RBM19: variants seen among roughly 807,000 people sequenced by gnomAD.
RBM19 encodes probable RNA-binding protein 19.
RBM19 carries 94 observed loss-of-function variants against 116.8 expected under a neutral mutation model. The observed-to-expected ratio is 0.80, with a 90% CI of 0.68 to 0.95. The LOEUF (loss-of-function observed/expected upper bound fraction) is 0.95, where lower values mean the gene tolerates loss of function less well. Among genes scored for constraint, RBM19 ranks in the 40% least tolerant of loss-of-function variants. The pLI, the probability that RBM19 is intolerant of heterozygous loss-of-function variation, is 0.00. For synonymous variants in RBM19, 475 were observed against 494.1 expected, an observed-to-expected ratio of 0.96 and a Z score of 0.51; for missense variants, 1,161 against 1,220.7, an observed-to-expected ratio of 0.95 and a Z score of 0.73.
chr12:113,924,808 G>A, intron 17 of RBM19, 51 bp from the exon 18 acceptor site: 2 of 1,471,618 alleles, frequency 1.4e-6, no homozygotes, highest in Non-Finnish European at 1.9e-6. Flanking sequence ...CACTATGCAG[G>A]CAAGGGCACC....
chr12:113,957,714 G>C lies in RBM19; in HGVS notation c.840+68C>G, dbSNP rs1308126080. ...AACATTCCGCTCTCCTAACAGAGGA[G>C]CTGTGGGGACCACGGGCAAGCAGGA... On this transcript the variant is annotated intron_variant, in intron 6 of 23. Coordinates refer to ENST00000261741, the MANE Select transcript of RBM19 (RefSeq NM_016196.4). 4 of 1,515,282 alleles carry C rather than the reference G, an allele frequency of 2.6e-6. No homozygotes were observed. The East Asian group carries it at 9.1e-5, about 34-fold the overall frequency. 93.9% of individuals were successfully genotyped at this position (1,515,282 alleles called of 1,614,324 possible).
intron 14 of RBM19, among the ~76,000 whole-genome samples, chr12:113,941,415 G>A (rs1870555650): frequency 6.6e-6 from 1 of 152,230 alleles, no homozygotes; most frequent in Admixed American, 6.5e-5. Context: ...TCTGTAGGGT[G>A]GAAGCACAGT....
At chr12:113,938,290 G>A (rs1052959384) in intron 15 of RBM19, among the ~76,000 whole-genome samples, 3 of 152,088 alleles carry the variant, frequency 2.0e-5, no homozygotes, top group Non-Finnish European at 4.4e-5. Context: ...TGGGTCAGGC[G>A]CAGACTGACT....
At chr12:113,899,880 G>C (rs941169250) in intron 21 of RBM19, among the ~76,000 whole-genome samples, 1 of 151,960 alleles carries the variant, frequency 6.6e-6, no homozygotes, top group African/African-American at 2.4e-5. Flanking sequence ...GCGGCCCTCC[G>C]AGCAAGCCCA....
At chr12:113,928,561 C>G (rs1217746324) in intron 16 of RBM19, among the ~76,000 whole-genome samples, 1 of 150,344 alleles carries the variant, frequency 6.7e-6, no homozygotes, top group Non-Finnish European at 1.5e-5. Context: ...GTACCGCTTC[C>G]ACTCTGAAGG....
chr12:113,908,821 C>T (rs11609560), intron 21 of RBM19, among the ~76,000 whole-genome samples: 24,217 of 152,158 alleles, frequency 0.16, 2,509 homozygotes, highest in Non-Finnish European at 0.24. Context: ...CGCGTTTCTA[C>T]CAGGATTGTA....
chr12:113,907,028 C>T (rs753603254), intron 21 of RBM19, among the ~76,000 whole-genome samples: 4 of 152,044 alleles, frequency 2.6e-5, no homozygotes, highest in African/African-American at 4.8e-5. Flanking sequence ...CGGGAGGAAG[C>T]GAGGAAGGAT....
rs779123320 is a variant in RBM19 at position 113,947,390 on chromosome 12, T to C, written c.1351A>G (p.Met451Val). 47 of 1,611,456 alleles carry C rather than the reference T, an allele frequency of 2.9e-5. No individual in the cohort carries two copies. The highest frequency in any genetic ancestry group is 3.4e-5 in the Non-Finnish European group (40 of 1,177,932). ...GCCTTCACAGCGTGCTCAGGGAACA[T>C]GAAGGTGATGAATGCAAAACCCTTG... is the stretch of plus-strand genomic sequence containing the variant. ...KPKGFAFITF[M>V]FPEHAVKAYS... is the part of the protein sequence containing the mutation. The change falls in exon 11 of 24, where the codon ATG becomes GTG. Residue 451 changes from methionine to valine, a missense_variant. Met to Val is a conservative substitution (Grantham distance 21). Coordinates refer to ENST00000261741, the MANE Select transcript of RBM19 (RefSeq NM_016196.4).
chr12:113,911,495 C>A (rs1158416243), intron 21 of RBM19, among the ~76,000 whole-genome samples: 1 of 152,210 alleles, frequency 6.6e-6, no homozygotes, highest in Non-Finnish European at 1.5e-5. Context: ...CAGATTCAAA[C>A]CCTGGGTTCA....
At chr12:113,941,710 C>T (rs1050085078) in intron 14 of RBM19, among the ~76,000 whole-genome samples, 1 of 152,270 alleles carries the variant, frequency 6.6e-6, no homozygotes, top group South Asian at 2.1e-4. Context: ...ATTCATCCAT[C>T]CTCCTCATCC....
At position 113,858,863 on chromosome 12, in the gene RBM19, T is replaced by C. The variant is rs1474179753; in HGVS notation, c.2592A>G (p.Pro864=). The C allele has an allele frequency of 1.9e-6, 3 of 1,614,018 alleles. No individual in the cohort carries two copies. The Admixed American group carries it at 5.0e-5, about 27-fold the overall frequency. The change falls in exon 22 of 24, where the codon CCA becomes CCG. Residue 864 remains proline (P), a synonymous_variant. Transcript: ENST00000261741. ...TFGELKTVRL[P]KKMTGTGTHR... is the part of the protein sequence containing the mutation. ...GTGTGCCTGTCCCAGTCATCTTCTT[T>C]GGCAGGCGGACCGTCTTCAACTCCC... is the stretch of plus-strand genomic sequence containing the variant.
At chr12:113,911,288 C>T (rs1253974208) in intron 21 of RBM19, among the ~76,000 whole-genome samples, 1 of 152,126 alleles carries the variant, frequency 6.6e-6, no homozygotes, top group Non-Finnish European at 1.5e-5. Context: ...CTCAGCCTGT[C>T]CCTCAAGGTC....
At chr12:113,921,729 T>C (rs1868581560) in intron 18 of RBM19, among the ~76,000 whole-genome samples, 1 of 152,212 alleles carries the variant, frequency 6.6e-6, no homozygotes, top group African/African-American at 2.4e-5. Flanking sequence ...CAAAGCTCTC[T>C]TTTGGAGGCT....
At chr12:113,954,376 T>C (rs1039100590) in intron 7 of RBM19, among the ~76,000 whole-genome samples, 2 of 152,100 alleles carry the variant, frequency 1.3e-5, no homozygotes, top group Non-Finnish European at 2.9e-5. Flanking sequence ...ACACCCAAAA[T>C]GTATCAGTGG....
intron 5 of RBM19, among the ~76,000 whole-genome samples, chr12:113,958,796 A>G (rs1872207849): frequency 6.6e-6 from 1 of 150,702 alleles, no homozygotes; most frequent in South Asian, 2.1e-4. Flanking sequence ...TCACCTCCTC[A>G]GGGAGGCCTT....
chr12:113,927,597 A>AAC (rs1869210966), intron 16 of RBM19, among the ~76,000 whole-genome samples: 1 of 92,136 alleles, frequency 1.1e-5, no homozygotes, highest in African/African-American at 4.4e-5. Flanking sequence ...AAAACAAAAA[A>AAC]AAAAAAACAA....
At chr12:113,827,513 A>AGGGCGGGG (rs1017720200) in intron 23 of RBM19, among the ~76,000 whole-genome samples, 1 of 2,716 alleles carries the variant, frequency 3.7e-4, no homozygotes, top group African/African-American at 2.4e-3. Context: ...GCAGGGAGAA[A>AGGGCGGGG]GGGCGGGGGG....
At chr12:113,888,771 C>T (rs182285933) in intron 21 of RBM19, among the ~76,000 whole-genome samples, 15 of 152,316 alleles carry the variant, frequency 9.8e-5, no homozygotes, top group Admixed American at 9.8e-4. Context: ...TTCCCGTCTT[C>T]ATCTCTCAAA....
At chr12:113,855,152 C>T (rs890630671) in intron 22 of RBM19, among the ~76,000 whole-genome samples, 9 of 152,280 alleles carry the variant, frequency 5.9e-5, no homozygotes, top group South Asian at 4.1e-4. Flanking sequence ...CCCCTCAGTT[C>T]GGGGACGGTG....
Sources: gnomAD v4.1 joint callset for allele counts (sites outside exome capture counted in the v4.1 genomes callset) on GRCh38, gnomAD v4.1.1 for gene constraint, MANE v1.5 for transcripts, NCBI Gene and HGNC (gene_info 2026-07-23, HGNC 2026-07-21) for gene names.